Variants in SLC12A4 observed in about 807,000 individuals in gnomAD.
The protein encoded by SLC12A4 is electroneutral potassium-chloride cotransporter 1.
In SLC12A4, 84 loss-of-function variants were observed where a neutral mutation model predicts 119.2. That is an observed-to-expected ratio of 0.70 (90% CI 0.59 to 0.85). The LOEUF (loss-of-function observed/expected upper bound fraction) is 0.85. Among genes scored for constraint, SLC12A4 ranks in the 40% least tolerant of loss-of-function variants. SLC12A4 has a pLI of 0.00. For synonymous variants in SLC12A4, 599 were observed against 604.6 expected (o/e 0.99, Z 0.14); for missense variants, 1,298 against 1,476.3 (o/e 0.88, Z 1.98).
intron 1 of SLC12A4, among the ~76,000 whole-genome samples, chr16:67,967,464 C>G (rs1229332073): frequency 6.6e-6 from 1 of 152,202 alleles, no homozygotes; most frequent in Non-Finnish European, 1.5e-5. Context: ...CTGTGATACC[C>G]ACAGCTACAC....
At chr16:67,967,993 G>A (rs1310433806) in intron 1 of SLC12A4, among the ~76,000 whole-genome samples, 1 of 152,190 alleles carries the variant, frequency 6.6e-6, no homozygotes, top group East Asian at 1.9e-4. Flanking sequence ...GGCACACGGA[G>A]GGGTTTGGGC....
intron 1 of SLC12A4, among the ~76,000 whole-genome samples, chr16:67,968,181 T>C (rs1207306910): frequency 6.6e-6 from 1 of 151,924 alleles, no homozygotes; most frequent in African/African-American, 2.4e-5. Flanking sequence ...CGGCCACGTC[T>C]GCAGCCCCCG....
chr16:67,945,172 T>C lies in SLC12A4; in HGVS notation c.3081A>G (p.Glu1027=), dbSNP rs1298053872. 1 of 1,590,370 alleles carries C rather than the reference T, an allele frequency of 6.3e-7. No homozygotes were observed. Among genetic ancestry groups the C allele is most frequent in the East Asian group, 2.2e-5 (1 of 44,614 alleles). Residue 1027 remains glutamate (E), a synonymous_variant, in exon 23 of 24, where the codon GAA becomes GAG. Transcript: ENST00000316341. ...CGTCGTGGGAGCGCGTGACAATGACTTCATTGAGCTTCACAGCAGTGTGCA... is the reference window on the plus strand; with the variant it reads ...CGTCGTGGGAGCGCGTGACAATGACCTCATTGAGCTTCACAGCAGTGTGCA... The part of the protein sequence containing the change: ...RRMHTAVKLN[E]VIVTRSHDAR...
chr16:67,950,940 C>A lies in SLC12A4; in HGVS notation c.1396+22G>T. On this transcript the variant is annotated intron_variant, in intron 10 of 23. Transcript: ENST00000316341. This position sits in a 1 kb window ranked among gnomAD's most constrained non-coding sequence, Gnocchi z 4.3. ...CGCTTCCCGTCCTCTGCCCCACCTG[C>A]CCCAGGCCTGGGAAAGGATACACAC... The A allele has an allele frequency of 6.2e-7, 1 of 1,608,796 alleles. No individual in the cohort carries two copies. The highest frequency in any genetic ancestry group is 8.5e-7 in the Non-Finnish European group (1 of 1,175,906).
Position 67,950,271 on chromosome 16 carries a change from C to A in SLC12A4, c.1629+48G>T. The stretch of plus-strand genomic sequence containing the variant: ...TTCCCTATCTCTCTCCCCAGCCGGG[C>A]GAGGGCCTGGGAGCAGCCAGGCCAT... On this transcript the variant is annotated intron_variant, in intron 12 of 23. Transcript: ENST00000316341. This position sits in a 1 kb window ranked among gnomAD's most constrained non-coding sequence, Gnocchi z 4.3. 1 of 1,589,896 alleles carries A rather than the reference C, an allele frequency of 6.3e-7. No homozygotes were observed. Among genetic ancestry groups the A allele is most frequent in the Non-Finnish European group, 8.6e-7 (1 of 1,166,052 alleles).
In SLC12A4 at chr16:67,944,332, G is replaced by C; in HGVS notation, c.*508C>G. On this transcript the variant is annotated 3_prime_UTR_variant, in exon 24 of 24. Transcript: ENST00000316341. The surrounding 1 kb of genome is among the most constrained non-coding windows in gnomAD (Gnocchi z 6.6). ...CAGAGCCGGGGCAGCAGGAGGCCCAGAACTACACAATGTTTTATTGAAAAA... is the reference window on the plus strand; with the variant it reads ...CAGAGCCGGGGCAGCAGGAGGCCCACAACTACACAATGTTTTATTGAAAAA... The C allele has an allele frequency of 2.9e-6, 4 of 1,398,122 alleles. No individual in the cohort carries two copies. The highest frequency in any genetic ancestry group is 3.7e-6 in the Non-Finnish European group (4 of 1,077,964). The allele number at this position is 1,398,122 out of a possible 1,614,324, so 86.6% of individuals were successfully genotyped here. A position where few individuals can be genotyped will look rare whatever the true frequency, so the allele number is the denominator to read the frequency against.
In SLC12A4 at chr16:67,944,991, G is replaced by A. The variant is rs2058324171; in HGVS notation, c.3167-60C>T. 1.2e-6 allele frequency: 2 copies of A among 1,610,890 alleles called. No homozygotes were observed. The highest frequency in any genetic ancestry group is 2.7e-5 in the African/African-American group (2 of 75,002). ...ATCAACGGGCAACCCGGGCCACCTG[G>A]GCCATGCCCACCCAGGGGTGCCCAG... On this transcript the variant is annotated intron_variant, in intron 23 of 23. Transcript: ENST00000316341. The surrounding 1 kb of genome is among the most constrained non-coding windows in gnomAD (Gnocchi z 6.6).
chr16:67,945,610 G>C, intron 21 of SLC12A4, 57 bp from the exon 22 acceptor site: 1 of 1,568,152 alleles, frequency 6.4e-7, no homozygotes, highest in Admixed American at 1.7e-5. Flanking sequence ...GATGGGGCCT[G>C]TCTGGCCCAA....
intron 16 of SLC12A4, 55 bp from the exon 17 acceptor site, chr16:67,947,160 C>G: frequency 6.5e-7 from 1 of 1,536,690 alleles, no homozygotes; most frequent in Non-Finnish European, 8.7e-7. Context: ...TCTAGGGAGC[C>G]CCTCCTCTTC....
chr16:67,943,732 C>T lies in SLC12A4; in HGVS notation c.*1108G>A, dbSNP rs1015784357. 1.2e-5 allele frequency: 7 copies of T among 580,166 alleles called. No individual in the cohort carries two copies. The highest frequency in any genetic ancestry group is 6.3e-5 in the Admixed American group (2 of 31,600). The allele number at this position is 580,166 out of a possible 1,614,324, so 35.9% of individuals were successfully genotyped here. A position where few individuals can be genotyped will look rare whatever the true frequency, so the allele number is the denominator to read the frequency against. On this transcript the variant is annotated 3_prime_UTR_variant, in exon 24 of 24. Transcript: ENST00000316341. The surrounding 1 kb of genome is among the most constrained non-coding windows in gnomAD (Gnocchi z 4.6). Reference sequence around the variant, plus strand: ...AGGCACACCCCGTCCCCCACTCCGCCCCCCCTGGGTTAGACAACTGAGAGT... The same window carrying T: ...AGGCACACCCCGTCCCCCACTCCGCTCCCCCTGGGTTAGACAACTGAGAGT...
intron 3 of SLC12A4, among the ~76,000 whole-genome samples, chr16:67,958,510 T>G (rs1418994839): frequency 1.3e-5 from 2 of 152,138 alleles, no homozygotes; most frequent in African/African-American, 4.8e-5. Context: ...TGTCCCAGCC[T>G]TAGTCCCTTG....
intron 1 of SLC12A4, chr16:67,964,017 T>C (rs3785100): frequency 0.14 from 210,070 of 1,550,892 alleles, 15,201 homozygotes; most frequent in African/African-American, 0.22. Context: ...CACAGCACCT[T>C]CGGCTGCCAT....
Position 67,949,943 on chromosome 16 carries a change from G to A in SLC12A4, c.1630-25C>T, listed in dbSNP as rs759224339. The A allele has an allele frequency of 6.4e-7, 1 of 1,561,364 alleles. No individual in the cohort carries two copies. Among genetic ancestry groups the A allele is most frequent in the Non-Finnish European group, 8.8e-7 (1 of 1,133,100 alleles). On this transcript the variant is annotated intron_variant, in intron 12 of 23. Coordinates refer to ENST00000316341, the MANE Select transcript of SLC12A4 (RefSeq NM_005072.5). This position sits in a 1 kb window ranked among gnomAD's most constrained non-coding sequence, Gnocchi z 4.6. ...CCTGTGTGCACCAGGAAGGAAGCTG[G>A]GTCCTGTCACCCCCATTCCACACCT... is the stretch of plus-strand genomic sequence containing the variant.
chr16:67,946,035 A>G lies in SLC12A4; in HGVS notation c.2655T>C (p.Asp885=), dbSNP rs1254536406. Residue 885 remains aspartate (D), a synonymous_variant, in exon 20 of 24, where the codon GAT becomes GAC. Transcript: ENST00000316341. ...CCTTCTTCATCTGGATGCTGTTGTC[A>G]TCCATCTGGGCCACTGTGAAGATGC... ...RMRIFTVAQM[D]DNSIQMKKDL... is the part of the protein sequence containing the mutation. 2.5e-6 allele frequency: 4 copies of G among 1,614,044 alleles called. No homozygotes were observed. In the South Asian group the frequency reaches 4.4e-5, roughly 18 times the overall value.
Position 67,946,189 on chromosome 16 carries a change from G to C in SLC12A4, c.2589C>G (p.Phe863Leu). 6.2e-7 allele frequency: 1 copy of C among 1,613,934 alleles called. No individual in the cohort carries two copies. Among genetic ancestry groups the C allele is most frequent in the Non-Finnish European group, 8.5e-7 (1 of 1,180,028 alleles). Reference sequence around the variant, plus strand: ...GGTCTACCTTATGCTGGCGCAGCAGGAAGGGCAGAAGCATGAGCATGCCAC... The same window carrying C: ...GGTCTACCTTATGCTGGCGCAGCAGCAAGGGCAGAAGCATGAGCATGCCAC... ...HDGGMLMLLP[F>L]LLRQHKVWRK... Residue 863 changes from phenylalanine (F) to leucine (L), a missense_variant, in exon 19 of 24, where the codon TTC becomes TTG. By Grantham distance (22) the Phe-to-Leu change is conservative. Coordinates refer to ENST00000316341, the MANE Select transcript of SLC12A4 (RefSeq NM_005072.5).
At chr16:67,946,696 C>T (rs1251646266) in intron 17 of SLC12A4, 63 bp from the exon 18 acceptor site, 1 of 1,540,818 alleles carries the variant, frequency 6.5e-7, no homozygotes, top group Admixed American at 1.8e-5. Context: ...GGCTCCCTCC[C>T]AAGGCCCCTC....
intron 1 of SLC12A4, chr16:67,964,188 G>T: frequency 8.2e-7 from 1 of 1,223,110 alleles, no homozygotes; most frequent in Non-Finnish European, 1.1e-6. Context: ...TCGGACGGGT[G>T]GGTGTCGGAC....
chr16:67,968,535 C>G lies in SLC12A4; in HGVS notation c.19G>C (p.Val7Leu). 1 of 1,579,148 alleles carries G rather than the reference C, an allele frequency of 6.3e-7. No individual in the cohort carries two copies. The highest frequency in any genetic ancestry group is 8.6e-7 in the Non-Finnish European group (1 of 1,168,208). Residue 7 changes from valine (V) to leucine (L), a missense_variant, in exon 1 of 24, where the codon GTG becomes CTG. Transcript: ENST00000316341. The part of the protein sequence containing the change: MPHFTV[V>L]PVDGPRRGDY... ...CCGCGCCTCGGCCCGTCCACTGGCACCACGGTGAAGTGAGGCATCGTGCGG... is the reference window on the plus strand; with the variant it reads ...CCGCGCCTCGGCCCGTCCACTGGCAGCACGGTGAAGTGAGGCATCGTGCGG...
chr16:67,952,595 TCA>T (rs1323447397), intron 6 of SLC12A4, among the ~76,000 whole-genome samples, 170 bp from the exon 7 acceptor site: 32 of 149,102 alleles, frequency 2.1e-4, no homozygotes, highest in Middle Eastern at 3.8e-3. Context: ...GGTCAGGAGA[TCA>T]TGACTAGCCT....
Sources: gnomAD v4.1 joint callset for allele counts (sites outside exome capture counted in the v4.1 genomes callset) on GRCh38, gnomAD v4.1.1 for gene constraint, Gnocchi (gnomAD v3.1) non-coding constraint, MANE v1.5 for transcripts, NCBI Gene and HGNC (gene_info 2026-07-23, HGNC 2026-07-21) for gene names.